ANKS3: variants seen among roughly 807,000 people sequenced by gnomAD.
The protein encoded by ANKS3 is ankyrin repeat and sterile alpha motif domain containing 3.
Under a neutral mutation model 80.7 loss-of-function variants are expected in ANKS3, and 62 were observed. The observed-to-expected ratio is 0.77, with a 90% CI of 0.63 to 0.95. The LOEUF is 0.95. Ranked by LOEUF, ANKS3 falls within the 40% of genes least tolerant of loss-of-function variation. The pLI is 0.00. For synonymous variants in ANKS3, 489 were observed against 355.3 expected, an observed-to-expected ratio of 1.38 and a Z score of -4.23; for missense variants, 1,150 against 883.6, an observed-to-expected ratio of 1.30 and a Z score of -3.82.
chr16:4,733,668 G>A (rs1419524878), intron 1 of ANKS3, among the ~76,000 whole-genome samples: 1 of 152,172 alleles, frequency 6.6e-6, no homozygotes, highest in East Asian at 1.9e-4. Context: ...TGAAGGGATG[G>A]AGACCCCCAT....
intron 3 of ANKS3, chr16:4,727,382 C>T (rs530025736): frequency 2.1e-5 from 13 of 611,530 alleles, no homozygotes; most frequent in African/African-American, 1.7e-4. Flanking sequence ...CCTGAGCCTT[C>T]GTCTCCTTGC....
chr16:4,701,428 C>G lies in ANKS3; in HGVS notation c.1119+6G>C. The G allele has an allele frequency of 6.3e-7, 1 of 1,590,408 alleles. No homozygotes were observed. Among genetic ancestry groups the G allele is most frequent in the Non-Finnish European group, 8.6e-7 (1 of 1,166,590 alleles). Reference sequence around the variant, plus strand: ...TATGGGAGACCAAGAAAGAAAGAATCCGTACCTCGTTGCTCTCCACAGAAG... The same window carrying G: ...TATGGGAGACCAAGAAAGAAAGAATGCGTACCTCGTTGCTCTCCACAGAAG... On this transcript the variant is annotated splice_donor_region_variant and intron_variant, in intron 10 of 17. Transcript: ENST00000304283.
At position 4,696,645 on chromosome 16, in the gene ANKS3, G is replaced by C. The variant is rs562049659; in HGVS notation, c.*263C>G. 7.2e-6 allele frequency: 2 copies of C among 276,358 alleles called. No homozygotes were observed. Among genetic ancestry groups the C allele is most frequent in the African/African-American group, 4.4e-5 (2 of 45,258 alleles). The allele number at this position is 276,358 out of a possible 1,614,324, so 17.1% of individuals were successfully genotyped here. On this transcript the variant is annotated 3_prime_UTR_variant, in exon 18 of 18. Transcript: ENST00000304283. Reference sequence around the variant, plus strand: ...TTCCCCCCAGGGCCCTGCCTGGTATGGGCCAGGGCAGCCCATGAACTCTGG... The same window carrying C: ...TTCCCCCCAGGGCCCTGCCTGGTATCGGCCAGGGCAGCCCATGAACTCTGG...
chr16:4,705,118 C>T lies in ANKS3; in HGVS notation c.845G>A (p.Gly282Asp), dbSNP rs2080113843. The T allele has an allele frequency of 1.2e-6, 2 of 1,612,754 alleles. No homozygotes were observed. The highest frequency in any genetic ancestry group is 1.7e-5 in the Admixed American group (1 of 60,002). The change falls in exon 8 of 18, where the codon GGC (glycine) becomes GAC (aspartate). Residue 282 changes from glycine to aspartate, a missense_variant. By Grantham distance (94) the Gly-to-Asp change is moderately conservative. Coordinates refer to ENST00000304283, the MANE Select transcript of ANKS3 (RefSeq NM_133450.4). ...LARITGIGLGGRAPRPRYEQA... is the reference protein window; with the variant it reads ...LARITGIGLGDRAPRPRYEQA... ...ACCATAGCGAGGCCGTGGGGCTCTG[C>T]CGCCCAGGCCAATGCCTGTGATCCT...
At chr16:4,705,865 T>C (rs989345179) in intron 7 of ANKS3, among the ~76,000 whole-genome samples, 1 of 152,232 alleles carries the variant, frequency 6.6e-6, no homozygotes, top group African/African-American at 2.4e-5. Context: ...CATCTCTTCA[T>C]TAAAATATAT....
chr16:4,713,978 TTTCTCTGCCAGGTCACCTAAA>T, intron 7 of ANKS3, 52 bp downstream of exon 7: 1 of 1,567,094 alleles, frequency 6.4e-7, no homozygotes, highest in Non-Finnish European at 8.7e-7. Context: ...GGGGGACATC[TTTCTCTGCCAGGTCACCTAAA>T]GCTCAAGGCA....
chr16:4,698,121 C>G (rs142956622), intron 14 of ANKS3, 59 bp from the exon 15 acceptor site: 4 of 1,512,010 alleles, frequency 2.6e-6, no homozygotes, highest in South Asian at 1.2e-5. Context: ...GCAGAGCCCC[C>G]ACCTCAGACC....
intron 7 of ANKS3, among the ~76,000 whole-genome samples, chr16:4,712,693 CT>C (rs1194068699): frequency 1.3e-5 from 2 of 152,130 alleles, no homozygotes; most frequent in African/African-American, 4.8e-5. Context: ...TATGCCTTCC[CT>C]TTTACAGTCA....
intron 3 of ANKS3, chr16:4,727,547 C>T (rs1256465957): frequency 5.9e-6 from 2 of 339,542 alleles, no homozygotes; most frequent in Non-Finnish European, 1.1e-5. Flanking sequence ...CCAAGGCTGC[C>T]GCTAAACATC....
At chr16:4,730,299 T>A (rs2081553077) in intron 2 of ANKS3, 148 bp from the exon 3 acceptor site, 1 of 703,744 alleles carries the variant, frequency 1.4e-6, no homozygotes, top group Admixed American at 4.1e-5. Context: ...CAAATTTATT[T>A]GCTGAAATAA....
intron 1 of ANKS3, among the ~76,000 whole-genome samples, chr16:4,733,300 T>C (rs1567477127): frequency 2.0e-5 from 3 of 151,782 alleles, no homozygotes; most frequent in Non-Finnish European, 4.4e-5. Flanking sequence ...TATTTATTAT[T>C]ATTTTTTTTG....
chr16:4,709,184 A>ACCACCTTATGTCGGGAGTT, intron 7 of ANKS3, among the ~76,000 whole-genome samples: 1 of 151,978 alleles, frequency 6.6e-6, no homozygotes, highest in East Asian at 1.9e-4. Flanking sequence ...AGTCGGGTGG[A>ACCACCTTATGTCGGGAGTT]CCACCTTATG....
At chr16:4,730,560 T>C (rs747671452) in intron 2 of ANKS3, among the ~76,000 whole-genome samples, 4 of 152,076 alleles carry the variant, frequency 2.6e-5, no homozygotes, top group African/African-American at 9.7e-5. Context: ...ACCCTGGATT[T>C]GGGGTTTGAT....
chr16:4,703,176 C>A (rs748528653), intron 8 of ANKS3, among the ~76,000 whole-genome samples: 3 of 152,160 alleles, frequency 2.0e-5, no homozygotes, highest in Admixed American at 6.5e-5. Flanking sequence ...GCAATGGCAC[C>A]ATCATGGGTC....
Position 4,696,727 on chromosome 16 carries a change from TGCCGAGCCAGGGCCGCA to T in ANKS3, c.*164_*180del. 2.0e-6 allele frequency: 1 copy of T among 491,908 alleles called. No homozygotes were observed. Among genetic ancestry groups the T allele is most frequent in the Non-Finnish European group, 3.7e-6 (1 of 268,392 alleles). 30.5% of individuals were successfully genotyped at this position (491,908 alleles called of 1,614,324 possible). A position where few individuals can be genotyped will look rare whatever the true frequency, so the allele number is the denominator to read the frequency against. On this transcript the variant is annotated 3_prime_UTR_variant, in exon 18 of 18. Coordinates refer to ENST00000304283, the MANE Select transcript of ANKS3 (RefSeq NM_133450.4). The stretch of plus-strand genomic sequence containing the variant: ...GTCCCGCCTCAGTGCTGGCCCGAGC[TGCCGAGCCAGGGCCGCA>T]GCCCCCGTCTTGCCTCTGTCTGCCG...
intron 11 of ANKS3, 53 bp from the exon 12 acceptor site, chr16:4,699,229 A>T: frequency 6.3e-7 from 1 of 1,597,876 alleles, no homozygotes; most frequent in Non-Finnish European, 8.5e-7. Context: ...GACGAAGCAG[A>T]GACGTTTTCC....
At chr16:4,716,604 A>G (rs1203513203) in intron 6 of ANKS3, among the ~76,000 whole-genome samples, 2 of 151,942 alleles carry the variant, frequency 1.3e-5, no homozygotes, top group Non-Finnish European at 2.9e-5. Flanking sequence ...AAAATTACCT[A>G]TGAGACTTTG....
Position 4,704,981 on chromosome 16 carries a change from C to T in ANKS3, c.868+114G>A, listed in dbSNP as rs1033497410. 14 of 1,398,884 alleles carry T rather than the reference C, an allele frequency of 1.0e-5. No individual in the cohort carries two copies. The African/African-American group carries it at 1.6e-4, about 16-fold the overall frequency. 86.7% of individuals were successfully genotyped at this position (1,398,884 alleles called of 1,614,324 possible). On this transcript the variant is annotated intron_variant, in intron 8 of 17. Transcript: ENST00000304283. ...GAAAGCTGGGCCACCTGTCCCGCTG[C>T]CACCTGAGGTCCAGCGACCCACATT...
In ANKS3 at chr16:4,697,014, C is replaced by T. The variant is rs911880657; in HGVS notation, c.*11+3G>A. ...CGCGGGATCCAGGCTGGCAGACACT[C>T]ACCGGCCCGCAGGCTAGGTCTCCCG... On this transcript the variant is annotated splice_donor_region_variant and intron_variant, in intron 17 of 17. Transcript: ENST00000304283. 1 of 1,611,602 alleles carries T rather than the reference C, an allele frequency of 6.2e-7. No individual in the cohort carries two copies. The highest frequency in any genetic ancestry group is 1.1e-5 in the South Asian group (1 of 90,676).
Sources: allele counts gnomAD v4.1 joint callset (sites outside exome capture counted in the v4.1 genomes callset), GRCh38; gene constraint gnomAD v4.1.1; transcripts MANE v1.5; gene names NCBI Gene and HGNC (gene_info 2026-07-23, HGNC 2026-07-21).